SSBP2: variants seen among roughly 807,000 people sequenced by gnomAD.
The protein encoded by SSBP2 is single stranded DNA binding protein 2.
A neutral mutation model predicts 61.8 loss-of-function variants in SSBP2; 17 were observed. That is an observed-to-expected ratio of 0.28 (90% CI 0.19 to 0.41). The LOEUF (loss-of-function observed/expected upper bound fraction) is 0.41. SSBP2 is among the 10% of genes least tolerant of loss of function. The pLI is 1.00. For synonymous variants in SSBP2, 139 were observed against 141.3 expected (o/e 0.98, Z 0.12); for missense variants, 310 against 458.7 (o/e 0.68, Z 2.96).
chr5:81,419,568 C>T lies in SSBP2; in HGVS notation c.*936G>A, dbSNP rs1761474566. 6.6e-6 allele frequency: 1 copy of T among 152,146 alleles called. No individual in the cohort carries two copies. The highest frequency in any genetic ancestry group is 1.5e-5 in the Non-Finnish European group (1 of 68,010). 9.4% of individuals were successfully genotyped at this position (152,146 alleles called of 1,614,324 possible). A position where few individuals can be genotyped will look rare whatever the true frequency, so the allele number is the denominator to read the frequency against. ...GAGAAGTGACAAATTCAAGCAAATG[C>T]TTTTGTTATCACTTTTGGGCTTCAT... On this transcript the variant is annotated 3_prime_UTR_variant, in exon 17 of 17. Coordinates refer to ENST00000320672, the MANE Select transcript of SSBP2 (RefSeq NM_012446.5).
intron 4 of SSBP2, among the ~76,000 whole-genome samples, chr5:81,569,095 T>C (rs1773655805): frequency 6.6e-6 from 1 of 152,166 alleles, no homozygotes. Context: ...GAATGGAAGG[T>C]CAGAAGGGGC....
In SSBP2 at chr5:81,469,236, C is replaced by A. The variant is rs183791697; in HGVS notation, c.571-2195G>T. On this transcript the variant is annotated intron_variant, in intron 8 of 16. Transcript: ENST00000320672. Reference sequence around the variant, plus strand: ...ATGATTCTCCCAATGATACCCTGATCTTAATTTCCTTATTTGTAAAGTGAT... The same window carrying A: ...ATGATTCTCCCAATGATACCCTGATATTAATTTCCTTATTTGTAAAGTGAT... 7.2e-3 allele frequency among the ~76,000 whole-genome samples: 1,090 copies of A among 152,010 alleles called. 20 individuals carry two copies. The highest frequency in any genetic ancestry group is 0.037 in the Middle Eastern group (11 of 294).
rs1165699621 is a variant in SSBP2 at position 81,500,268 on chromosome 5, C to G, written c.373-10959G>C. Among the ~76,000 whole-genome samples the G allele has an allele frequency of 2.0e-5, 3 of 152,000 alleles. No individual in the cohort carries two copies. The East Asian group carries it at 5.8e-4, about 29-fold the overall frequency. ...TTGCTTTGTTGCCCAGGCTGGAGTA[C>G]AGTGGCGCTATCTCGCCTCACTACA... On this transcript the variant is annotated intron_variant, in intron 5 of 16. Coordinates refer to ENST00000320672, the MANE Select transcript of SSBP2 (RefSeq NM_012446.5).
intron 4 of SSBP2, among the ~76,000 whole-genome samples, chr5:81,553,695 G>A (rs1344437185): frequency 6.6e-6 from 1 of 152,126 alleles, no homozygotes; most frequent in African/African-American, 2.4e-5. Flanking sequence ...GCAGGAAATA[G>A]AGGCAGCAGG....
At chr5:81,633,157 C>T (rs753287161) in intron 3 of SSBP2, among the ~76,000 whole-genome samples, 47 of 125,462 alleles carry the variant, frequency 3.7e-4, no homozygotes, top group Non-Finnish European at 6.2e-4. Flanking sequence ...ACTCTGTCAC[C>T]TAGGCTGGAG....
intron 16 of SSBP2, among the ~76,000 whole-genome samples, chr5:81,426,005 A>G (rs1164923173): frequency 6.6e-6 from 1 of 152,242 alleles, no homozygotes; most frequent in Non-Finnish European, 1.5e-5. Context: ...ATGTGCTTTC[A>G]GAGTTATGTG....
chr5:81,597,277 C>T (rs1743860890), intron 4 of SSBP2, among the ~76,000 whole-genome samples: 2 of 152,156 alleles, frequency 1.3e-5, no homozygotes, highest in Non-Finnish European at 2.9e-5. Flanking sequence ...CATCACTGGC[C>T]ATCAGAGAAA....
chr5:81,440,183 CTA>C (rs1197778243), intron 14 of SSBP2, among the ~76,000 whole-genome samples: 1 of 151,046 alleles, frequency 6.6e-6, no homozygotes, highest in African/African-American at 2.5e-5. Flanking sequence ...CCACAGAACT[CTA>C]GAGACAAAAC....
intron 4 of SSBP2, among the ~76,000 whole-genome samples, chr5:81,596,327 C>G (rs1473636654): frequency 9.4e-4 from 133 of 141,180 alleles, no homozygotes; most frequent in African/African-American, 3.3e-3. Context: ...CACTGCTCAA[C>G]GAAATAAAAG....
At chr5:81,610,365 T>C (rs966335222) in intron 4 of SSBP2, among the ~76,000 whole-genome samples, 23 of 152,350 alleles carry the variant, frequency 1.5e-4, no homozygotes, top group African/African-American at 5.1e-4. Context: ...TGTGCCCTTG[T>C]CTTCTTTAAA....
intron 4 of SSBP2, among the ~76,000 whole-genome samples, chr5:81,574,031 C>G (rs1774024499): frequency 6.6e-6 from 1 of 151,986 alleles, no homozygotes; most frequent in Admixed American, 6.6e-5. Flanking sequence ...GTCCCAGCTA[C>G]TCGGGAGGCT....
intron 4 of SSBP2, among the ~76,000 whole-genome samples, chr5:81,589,203 G>A (rs1282678178): frequency 6.6e-6 from 1 of 152,118 alleles, no homozygotes; most frequent in Non-Finnish European, 1.5e-5. Flanking sequence ...AAACTAACAT[G>A]GGCAACTAAT....
intron 13 of SSBP2, among the ~76,000 whole-genome samples, chr5:81,441,935 T>A (rs1209584607): frequency 1.3e-5 from 2 of 152,198 alleles, no homozygotes; most frequent in East Asian, 1.9e-4. Context: ...TGAACTTTTA[T>A]CTGGCTCCTA....
chr5:81,440,546 GA>G lies in SSBP2; in HGVS notation c.928+11del, dbSNP rs1762965675. On this transcript the variant is annotated intron_variant, in intron 14 of 16. Coordinates refer to ENST00000320672, the MANE Select transcript of SSBP2 (RefSeq NM_012446.5). ...ATGAATTTATTCTAAACATCAAATT[GA>G]AAAGCCTTACCTAAAGAGCCATTCA... 1 of 1,608,060 alleles carries G rather than the reference GA, an allele frequency of 6.2e-7. No homozygotes were observed. The highest frequency in any genetic ancestry group is 8.5e-7 in the Non-Finnish European group (1 of 1,175,318).
intron 1 of SSBP2, among the ~76,000 whole-genome samples, chr5:81,699,109 C>A (rs1453012737): frequency 6.6e-6 from 1 of 152,144 alleles, no homozygotes; most frequent in Non-Finnish European, 1.5e-5. Context: ...AATGTACATA[C>A]CTTGTTTAAA....
chr5:81,745,669 T>A (rs1210703942), intron 1 of SSBP2, among the ~76,000 whole-genome samples: 1 of 152,080 alleles, frequency 6.6e-6, no homozygotes, highest in Non-Finnish European at 1.5e-5. Context: ...TCCAAAATAA[T>A]TTTGAAATCC....
At chr5:81,750,640 C>T (rs1757698194) in intron 1 of SSBP2, 1 of 274,122 alleles carries the variant, frequency 3.6e-6, no homozygotes, top group Non-Finnish European at 7.0e-6. Flanking sequence ...CCCGGAGCCC[C>T]GGACCCCAGC....
chr5:81,426,781 A>G (rs530608069), intron 16 of SSBP2, among the ~76,000 whole-genome samples: 32 of 152,338 alleles, frequency 2.1e-4, no homozygotes, highest in South Asian at 4.1e-4. Context: ...GCAGTCACTA[A>G]TGACAAATCT....
intron 12 of SSBP2, among the ~76,000 whole-genome samples, chr5:81,444,318 C>T (rs1763232110): frequency 6.6e-6 from 1 of 152,160 alleles, no homozygotes; most frequent in South Asian, 2.1e-4. Flanking sequence ...TTTGTTCTTT[C>T]TTCCTCCAAA....
Sources: allele counts gnomAD v4.1 joint callset (sites outside exome capture counted in the v4.1 genomes callset), GRCh38; gene constraint gnomAD v4.1.1; transcripts MANE v1.5; gene names NCBI Gene and HGNC (gene_info 2026-07-23, HGNC 2026-07-21).